Variants in HPSE2 observed in about 807,000 individuals in gnomAD.
HPSE2 encodes the protein inactive heparanase-2.
HPSE2 carries 38 observed loss-of-function variants against 60.5 expected under a neutral mutation model. That is an observed-to-expected ratio of 0.63 (90% CI 0.48 to 0.82). HPSE2 has a LOEUF of 0.82. Among genes scored for constraint, HPSE2 ranks in the 40% least tolerant of loss-of-function variants. The probability of loss-of-function intolerance (pLI) is 0.00; values close to 1 mark genes in which losing one functional copy is unlikely to be tolerated. For missense variants in HPSE2, 713 were observed against 740.4 expected (o/e 0.96, Z 0.43); for synonymous variants, 295 against 293.2 (o/e 1.01, Z -0.06).
At chr10:98,651,891 C>T (rs1420947744) in intron 6 of HPSE2, among the ~76,000 whole-genome samples, 1 of 151,888 alleles carries the variant, frequency 6.6e-6, no homozygotes, top group Admixed American at 6.6e-5. Flanking sequence ...TCTGCCTCAG[C>T]CTCCCGAGTG....
At chr10:98,657,223 A>AAAAG (rs1947094555) in intron 6 of HPSE2, among the ~76,000 whole-genome samples, 1 of 151,424 alleles carries the variant, frequency 6.6e-6, no homozygotes, top group Non-Finnish European at 1.5e-5. Context: ...AAAAAAAAAA[A>AAAAG]GCATTCAATA....
At chr10:98,660,356 C>A (rs1037507735) in intron 6 of HPSE2, among the ~76,000 whole-genome samples, 14 of 152,144 alleles carry the variant, frequency 9.2e-5, no homozygotes, top group Admixed American at 4.6e-4. Flanking sequence ...GAAGGGACTA[C>A]ATGATCATAA....
At chr10:99,007,063 C>G (rs1190779011) in intron 3 of HPSE2, among the ~76,000 whole-genome samples, 2 of 151,758 alleles carry the variant, frequency 1.3e-5, no homozygotes, top group Non-Finnish European at 2.9e-5. Flanking sequence ...CTGGGGCAGG[C>G]CTGAAGCCTG....
intron 3 of HPSE2, among the ~76,000 whole-genome samples, chr10:98,850,967 G>T (rs1952159848): frequency 6.6e-6 from 1 of 152,170 alleles, no homozygotes; most frequent in South Asian, 2.1e-4. Flanking sequence ...AGATGAACAA[G>T]AACAGGGGAT....
intron 3 of HPSE2, among the ~76,000 whole-genome samples, chr10:98,988,325 C>T (rs1342275482): frequency 1.6e-4 from 25 of 152,424 alleles, no homozygotes; most frequent in African/African-American, 6.0e-4. Context: ...GAATAGAGCC[C>T]TCAGAAATAA....
chr10:98,721,578 T>G, intron 5 of HPSE2, 79 bp downstream of exon 5: 1 of 1,367,970 alleles, frequency 7.3e-7, no homozygotes, highest in Non-Finnish European at 1.0e-6. Flanking sequence ...AATAAATAAA[T>G]AAATAACCAA....
chr10:98,709,413 C>T (rs1209402607), intron 5 of HPSE2, among the ~76,000 whole-genome samples: 1 of 152,140 alleles, frequency 6.6e-6, no homozygotes, highest in Non-Finnish European at 1.5e-5. Context: ...AGTGGAAGAT[C>T]TTGGTTTTCC....
intron 9 of HPSE2, among the ~76,000 whole-genome samples, chr10:98,553,434 T>C (rs931719924): frequency 6.6e-6 from 1 of 152,212 alleles, no homozygotes; most frequent in Non-Finnish European, 1.5e-5. Flanking sequence ...GGCCATTACC[T>C]GTGTGTTCAG....
chr10:98,793,886 G>A (rs1348594), intron 3 of HPSE2, among the ~76,000 whole-genome samples: 25 of 152,140 alleles, frequency 1.6e-4, no homozygotes, highest in Non-Finnish European at 3.4e-4. Context: ...AGCCAAGGTT[G>A]TTGAATACTA....
chr10:98,586,343 T>C (rs972051308), intron 9 of HPSE2, among the ~76,000 whole-genome samples: 6 of 152,190 alleles, frequency 3.9e-5, no homozygotes, highest in Admixed American at 1.3e-4. Context: ...ACCATCCCTG[T>C]TTATCTAGTG....
At chr10:99,090,897 T>C (rs138770744) in intron 3 of HPSE2, among the ~76,000 whole-genome samples, 6 of 152,262 alleles carry the variant, frequency 3.9e-5, no homozygotes, top group African/African-American at 1.4e-4. Context: ...CCTCAGGTAA[T>C]TCTTATGCTT....
chr10:99,118,129 A>G (rs1201791906), intron 3 of HPSE2, among the ~76,000 whole-genome samples: 3 of 152,052 alleles, frequency 2.0e-5, no homozygotes, highest in African/African-American at 7.3e-5. Flanking sequence ...ACAGAATTAA[A>G]GACAAAAAAA....
In HPSE2 at chr10:98,519,315, T is replaced by G. The variant is rs148708899; in HGVS notation, c.1321-29119A>C. ...TTTAGTTGGCCCACAGCCAGGAAAG[T>G]CTCTGTAAGTAGAGTTTTTGAGCTA... On this transcript the variant is annotated intron_variant, in intron 9 of 11. Coordinates refer to ENST00000370552, the MANE Select transcript of HPSE2 (RefSeq NM_021828.5). 3.3e-4 allele frequency among the ~76,000 whole-genome samples: 51 copies of G among 152,326 alleles called. 2 individuals carry two copies. In the East Asian group the frequency reaches 9.8e-3, roughly 29 times the overall value.
rs147241876 is a variant in HPSE2 at position 98,600,303 on chromosome 10, A to T, written c.1320+14601T>A. ...AGATAACATGTTAATGATTTTTAGAAGCAGAAAAGAAAACATTCACTTAGG... is the reference window on the plus strand; with the variant it reads ...AGATAACATGTTAATGATTTTTAGATGCAGAAAAGAAAACATTCACTTAGG... On this transcript the variant is annotated intron_variant, in intron 9 of 11. Transcript: ENST00000370552. Among the ~76,000 whole-genome samples, 55 of 152,356 alleles carry T rather than the reference A, an allele frequency of 3.6e-4. No homozygotes were observed. The East Asian group carries it at 7.9e-3, about 22-fold the overall frequency.
chr10:99,081,660 G>A (rs938013371), intron 3 of HPSE2, among the ~76,000 whole-genome samples: 42 of 151,316 alleles, frequency 2.8e-4, no homozygotes, highest in Non-Finnish European at 2.7e-4. Context: ...TTTTAAAGAC[G>A]GAATCTCGCT....
chr10:98,983,179 GT>G (rs1339928204), intron 3 of HPSE2, among the ~76,000 whole-genome samples: 6 of 152,112 alleles, frequency 3.9e-5, no homozygotes, highest in Non-Finnish European at 5.9e-5. Flanking sequence ...TACATTTATT[GT>G]GCACTTTATT....
intron 3 of HPSE2, among the ~76,000 whole-genome samples, chr10:98,795,019 AGAAGGAAG>A (rs562332918): frequency 0.03 from 1,685 of 56,136 alleles, 55 homozygotes; most frequent in African/African-American, 0.1. Flanking sequence ...AGAGAGAGAG[AGAAGGAAG>A]GAAGGAAGGA....
At chr10:98,641,616 G>A (rs575461605) in intron 7 of HPSE2, among the ~76,000 whole-genome samples, 46 of 151,792 alleles carry the variant, frequency 3.0e-4, no homozygotes, top group Non-Finnish European at 5.3e-4. Flanking sequence ...AAAAAATAGA[G>A]ACGCTTTAAA....
chr10:98,964,546 A>G (rs1006567832), intron 3 of HPSE2, among the ~76,000 whole-genome samples: 1 of 151,966 alleles, frequency 6.6e-6, no homozygotes, highest in African/African-American at 2.4e-5. Flanking sequence ...TGGTTTTCCC[A>G]CCCACTAATC....
Sources: allele counts gnomAD v4.1 joint callset (sites outside exome capture counted in the v4.1 genomes callset), GRCh38; gene constraint gnomAD v4.1.1; transcripts MANE v1.5; gene names NCBI Gene and HGNC (gene_info 2026-07-23, HGNC 2026-07-21).